Variants in PHKA1 observed in about 807,000 individuals in gnomAD.
PHKA1 encodes the protein phosphorylase b kinase regulatory subunit alpha, skeletal muscle isoform.
A neutral mutation model predicts 110.2 loss-of-function variants in PHKA1; 60 were observed. The ratio of observed to expected loss-of-function variants is 0.54; its 90% CI spans 0.44 to 0.68. The LOEUF is 0.68. PHKA1 is among the 30% of genes least tolerant of loss of function. The pLI is 0.00. For synonymous variants in PHKA1, 316 were observed against 333.6 expected (o/e 0.95, Z 0.58); for missense variants, 801 against 942.5 (o/e 0.85, Z 1.97).
chrX:72,678,680 G>A (rs782453326), intron 5 of PHKA1, among the ~76,000 whole-genome samples: 1 of 111,928 alleles, frequency 8.9e-6, no homozygotes, highest in Admixed American at 9.5e-5. Context: ...TTGTGCTTCT[G>A]GTGAATATGA....
At chrX:72,661,984 C>T (rs782788579) in intron 8 of PHKA1, among the ~76,000 whole-genome samples, 3 of 111,394 alleles carry the variant, frequency 2.7e-5, no homozygotes, top group Admixed American at 9.5e-5. Flanking sequence ...GCTGCCCCAT[C>T]TCCCCTATTG....
Position 72,712,815 on chromosome X carries a change from C to A in PHKA1, c.201G>T (p.Arg67=), listed in dbSNP as rs782230384. The A allele has an allele frequency of 8.3e-7, 1 of 1,210,200 alleles. No individual in the cohort carries two copies. Among genetic ancestry groups the A allele is most frequent in the Admixed American group, 2.2e-5 (1 of 45,998 alleles). The part of the protein sequence containing the change: ...LGLAYRKNAD[R]DEDKAKAYEL... Reference sequence around the variant, plus strand: ...CATAGGCCTTTGCCTTATCCTCATCCCGGTCTGCATTCTTCCGATAGGCCA... The same window carrying A: ...CATAGGCCTTTGCCTTATCCTCATCACGGTCTGCATTCTTCCGATAGGCCA... The change falls in exon 2 of 32, where the codon CGG becomes CGT. Residue 67 remains arginine, a synonymous_variant. Transcript: ENST00000373542.
chrX:72,584,665 A>C (rs1319345199), intron 29 of PHKA1, among the ~76,000 whole-genome samples: 2 of 111,686 alleles, frequency 1.8e-5, no homozygotes, highest in Admixed American at 1.9e-4. Flanking sequence ...AAAAAATTTT[A>C]GGCCATAGGA....
At chrX:72,661,902 G>A (rs2053565233) in intron 8 of PHKA1, among the ~76,000 whole-genome samples, 1 of 111,421 alleles carries the variant, frequency 9.0e-6, no homozygotes, top group Admixed American at 9.5e-5. Context: ...CAAGTGACTG[G>A]CAGCAAGAAC....
intron 4 of PHKA1, among the ~76,000 whole-genome samples, chrX:72,695,203 C>T (rs927644054): frequency 6.3e-5 from 7 of 111,402 alleles, no homozygotes; most frequent in Non-Finnish European, 1.3e-4. Flanking sequence ...GCAAAGGTCC[C>T]ATTACTTTTA....
intron 24 of PHKA1, 62 bp downstream of exon 24, chrX:72,605,479 G>C (rs2052715587): frequency 8.6e-7 from 1 of 1,169,233 alleles, no homozygotes; most frequent in Admixed American, 2.2e-5. Context: ...GAAATTGCTA[G>C]ATCAATTGAA....
chrX:72,675,410 T>C (rs973118530), intron 6 of PHKA1, among the ~76,000 whole-genome samples: 17 of 111,120 alleles, frequency 1.5e-4, no homozygotes, highest in African/African-American at 5.2e-4. Context: ...TTAACCTTTC[T>C]GTATCATTTT....
intron 4 of PHKA1, among the ~76,000 whole-genome samples, chrX:72,694,422 A>G (rs1603273809): frequency 8.9e-6 from 1 of 111,994 alleles, no homozygotes; most frequent in South Asian, 3.7e-4. Flanking sequence ...CATGGTACAC[A>G]GGCCCTCGAA....
intron 17 of PHKA1, among the ~76,000 whole-genome samples, chrX:72,626,217 AAT>A (rs1334660054): frequency 1.8e-5 from 2 of 109,542 alleles, no homozygotes; most frequent in African/African-American, 6.6e-5. Flanking sequence ...GAAGGGAAGA[AAT>A]AGAGAATGCA....
intron 6 of PHKA1, among the ~76,000 whole-genome samples, chrX:72,674,250 A>T (rs2053746862): frequency 9.0e-6 from 1 of 110,764 alleles, no homozygotes; most frequent in Non-Finnish European, 1.9e-5. Context: ...TATTGTGAAT[A>T]GTGCCACAAT....
intron 25 of PHKA1, among the ~76,000 whole-genome samples, chrX:72,604,693 G>A (rs1319232268): frequency 1.8e-5 from 2 of 111,492 alleles, no homozygotes; most frequent in Non-Finnish European, 3.8e-5. Context: ...TCATGTCATA[G>A]GGGTCCATTG....
intron 29 of PHKA1, 128 bp downstream of exon 29, chrX:72,592,976 G>T: frequency 2.0e-6 from 1 of 507,104 alleles, no homozygotes; most frequent in Non-Finnish European, 3.5e-6. Context: ...TTTTCTTCTT[G>T]GTTTTGTCTA....
intron 29 of PHKA1, among the ~76,000 whole-genome samples, chrX:72,585,881 C>T (rs781964282): frequency 1.8e-5 from 2 of 112,439 alleles, no homozygotes; most frequent in African/African-American, 6.5e-5. Context: ...GGGTGTCCGC[C>T]ATTGCTGAGG....
At chrX:72,628,736 C>G (rs1050182052) in intron 16 of PHKA1, among the ~76,000 whole-genome samples, 1 of 107,909 alleles carries the variant, frequency 9.3e-6, no homozygotes, top group Non-Finnish European at 1.9e-5. Flanking sequence ...ACTACAGGCG[C>G]GTGCCACCAC....
At chrX:72,638,521 C>T (rs889777432) in intron 14 of PHKA1, among the ~76,000 whole-genome samples, 9 of 110,322 alleles carry the variant, frequency 8.2e-5, no homozygotes, top group Non-Finnish European at 1.5e-4. Context: ...ATGCTGAATA[C>T]GGTGTATAAA....
chrX:72,622,733 T>C (rs2052998174), intron 18 of PHKA1: 1 of 733,030 alleles, frequency 1.4e-6, no homozygotes. Flanking sequence ...AAATTTCATA[T>C]TTTTATGCTT....
intron 25 of PHKA1, among the ~76,000 whole-genome samples, chrX:72,604,761 T>G (rs1556248288): frequency 8.9e-6 from 1 of 111,942 alleles, no homozygotes. Context: ...CCAACTATTC[T>G]TCTAACTAAA....
rs371986984 is a variant in PHKA1 at position 72,595,827 on chromosome X, C to T, written c.3073-2553G>A. ...TGGTGAGAATGTGAAGACATTAGGACCCTTGTACACTGTTGCTGGGAATGT... is the reference window on the plus strand; with the variant it reads ...TGGTGAGAATGTGAAGACATTAGGATCCTTGTACACTGTTGCTGGGAATGT... On this transcript the variant is annotated intron_variant, in intron 28 of 31. Transcript: ENST00000373542. 5.2e-4 allele frequency among the ~76,000 whole-genome samples: 58 copies of T among 111,757 alleles called. No individual in the cohort carries two copies. In the South Asian group the frequency reaches 9.4e-3, roughly 18 times the overall value.
At chrX:72,704,912 G>A (rs1485630501) in intron 3 of PHKA1, among the ~76,000 whole-genome samples, 1 of 111,727 alleles carries the variant, frequency 9.0e-6, no homozygotes, top group Non-Finnish European at 1.9e-5. Flanking sequence ...TTTTAAACCT[G>A]TATCATCTTT....
Sources: gnomAD v4.1 joint callset for allele counts (sites outside exome capture counted in the v4.1 genomes callset) on GRCh38, gnomAD v4.1.1 for gene constraint, MANE v1.5 for transcripts, NCBI Gene and HGNC (gene_info 2026-07-23, HGNC 2026-07-21) for gene names.